Variants in UBXN8 observed in about 807,000 individuals in gnomAD.
UBXN8 encodes UBX domain protein 8, also known as UBX domain-containing protein 8.
In UBXN8, 27 loss-of-function variants were observed where a neutral mutation model predicts 32.1. The observed-to-expected ratio is 0.84, with a 90% CI of 0.62 to 1.16. The LOEUF (loss-of-function observed/expected upper bound fraction) is 1.16. Among genes scored for constraint, UBXN8 ranks in the 50% most tolerant of loss-of-function variants. The pLI, the probability that UBXN8 is intolerant of heterozygous loss-of-function variation, is 0.00. For missense variants in UBXN8, 306 were observed against 311.4 expected (o/e 0.98, Z 0.13); for synonymous variants, 109 against 111.8 (o/e 0.98, Z 0.16).
intron 5 of UBXN8, among the ~76,000 whole-genome samples, chr8:30,758,940 C>G (rs1436238986): frequency 7.7e-6 from 1 of 130,648 alleles, no homozygotes; most frequent in Non-Finnish European, 1.5e-5. Flanking sequence ...GTCACCCAGG[C>G]TGGAGTGCAG....
chr8:30,739,513 C>T (rs1805151090), upstream of UBXN8, among the ~76,000 whole-genome samples: 1 of 152,094 alleles, frequency 6.6e-6, no homozygotes, highest in South Asian at 2.1e-4. Context: ...CACTGCACTC[C>T]AGCCTGGGTG....
upstream of UBXN8, among the ~76,000 whole-genome samples, chr8:30,741,528 T>G (rs556641182): frequency 6.8e-6 from 1 of 147,012 alleles, no homozygotes; most frequent in South Asian, 2.1e-4. Context: ...ATGATCTCAC[T>G]GCAACCTCTA....
At chr8:30,752,905 T>A in intron 2 of UBXN8, 130 bp from the exon 3 acceptor site, 1 of 1,014,760 alleles carries the variant, frequency 9.9e-7, no homozygotes, top group Non-Finnish European at 1.3e-6. Flanking sequence ...TAAATGACAA[T>A]GTGATGTGTT....
rs1805910701 is a variant in UBXN8, at chr8:30,763,327, T to C, written c.625T>C (p.Leu209=). The change falls in exon 7 of 8, where the codon TTG becomes CTG. Residue 209 remains leucine (L), a synonymous_variant. Transcript: ENST00000265616. ...PSGNVLRRRF[L]KSYSSQVLFD... is the part of the protein sequence containing the mutation. The stretch of plus-strand genomic sequence containing the variant: ...TGGGAATGTCCTGAGGAGAAGGTTT[T>C]TGAAGTCCTACAGCTCACAGGTAAG... 8.7e-6 allele frequency: 14 copies of C among 1,613,844 alleles called. No individual in the cohort carries two copies. The highest frequency in any genetic ancestry group is 4.4e-5 in the South Asian group (4 of 91,084).
At chr8:30,755,842 T>C (rs1371662311) in intron 4 of UBXN8, among the ~76,000 whole-genome samples, 7 of 151,444 alleles carry the variant, frequency 4.6e-5, no homozygotes, top group Non-Finnish European at 1.0e-4. Flanking sequence ...TATTGTCTTA[T>C]ATGAGGACAA....
intron 1 of UBXN8, among the ~76,000 whole-genome samples, chr8:30,748,468 G>GAAAA (rs538718073): frequency 3.3e-5 from 3 of 90,416 alleles, no homozygotes; most frequent in African/African-American, 1.3e-4. Flanking sequence ...CCATCTGAAA[G>GAAAA]AAAAAAAAAA....
intron 5 of UBXN8, among the ~76,000 whole-genome samples, chr8:30,760,130 C>T (rs1286887510): frequency 6.8e-6 from 1 of 146,854 alleles, no homozygotes; most frequent in East Asian, 2.0e-4. Flanking sequence ...GGCACAACCT[C>T]AGCTCACTGC....
chr8:30,762,553 T>C (rs1805862344), intron 6 of UBXN8, among the ~76,000 whole-genome samples: 1 of 151,996 alleles, frequency 6.6e-6, no homozygotes, highest in Admixed American at 6.6e-5. Flanking sequence ...CCACAATGCC[T>C]GGCTAATATT....
At chr8:30,746,956 A>T (rs1331771157) in intron 1 of UBXN8, among the ~76,000 whole-genome samples, 1 of 130,688 alleles carries the variant, frequency 7.7e-6, no homozygotes. Flanking sequence ...AGTAATCGAG[A>T]CCATCCTGGC....
At chr8:30,756,199 G>A (rs1250384941) in intron 4 of UBXN8, 1 of 153,048 alleles carries the variant, frequency 6.5e-6, no homozygotes, top group Non-Finnish European at 1.5e-5. Flanking sequence ...GGAGTGCAGT[G>A]GTGCGATCTC....
chr8:30,753,676 C>T (rs1012335958), intron 3 of UBXN8, among the ~76,000 whole-genome samples: 1 of 152,146 alleles, frequency 6.6e-6, no homozygotes, highest in Non-Finnish European at 1.5e-5. Context: ...CCCCACTCTG[C>T]CCTCATCCCA....
upstream of UBXN8, among the ~76,000 whole-genome samples, chr8:30,739,652 T>G (rs1458267954): frequency 6.6e-6 from 1 of 152,212 alleles, no homozygotes; most frequent in Non-Finnish European, 1.5e-5. Context: ...ATTTCCTGTT[T>G]ATGGTATTAT....
intron 1 of UBXN8, among the ~76,000 whole-genome samples, chr8:30,745,425 C>T (rs918628451): frequency 1.4e-4 from 22 of 152,176 alleles, no homozygotes; most frequent in African/African-American, 5.3e-4. Context: ...TTTCAGTGAT[C>T]AGTTTACATG....
intron 5 of UBXN8, among the ~76,000 whole-genome samples, chr8:30,760,439 A>AT (rs1221804217): frequency 3.0e-4 from 13 of 43,200 alleles, no homozygotes; most frequent in African/African-American, 8.9e-4. Flanking sequence ...ATATATATAT[A>AT]TATATTTTTT....
rs1312993000 is a variant in UBXN8 at position 30,733,315 on chromosome 8, CTG to C, written c.622+9_622+10del. The C allele has an allele frequency of 3.3e-5, 5 of 152,262 alleles. No homozygotes were observed. In the East Asian group the frequency reaches 7.7e-4, roughly 23 times the overall value. 9.4% of individuals were successfully genotyped at this position (152,262 alleles called of 1,614,324 possible). A position where few individuals can be genotyped will look rare whatever the true frequency, so the allele number is the denominator to read the frequency against. On this transcript the variant is annotated splice_region_variant and intron_variant, in intron 1 of 1. Transcript: ENST00000522968. Reference sequence around the variant, plus strand: ...GCCTTAGAACTCAGTGAAGGTAAGACTGTAAACATTTACACTGACTCTTGATA... The same window carrying C: ...GCCTTAGAACTCAGTGAAGGTAAGACTAAACATTTACACTGACTCTTGATA...
In UBXN8 at chr8:30,732,709, G is replaced by A. The variant is rs1184915498; in HGVS notation, c.23G>A (p.Trp8Ter). 7.0e-6 allele frequency: 1 copy of A among 143,462 alleles called. No individual in the cohort carries two copies. The highest frequency in any genetic ancestry group is 1.9e-4 in the East Asian group (1 of 5,174). 8.9% of individuals were successfully genotyped at this position (143,462 alleles called of 1,614,324 possible). ...TGTATGTGTCAGAGAGAGAAAAGAT[G>A]GCAGTTGGGAGTTTTAACCCAAACT... Residue 8 changes from tryptophan (W) to a stop codon, truncating the protein, a stop_gained, in exon 1 of 2, where the codon TGG becomes TAG. Transcript: ENST00000522968. LOFTEE classifies it high-confidence loss of function.
chr8:30,749,843 A>T (rs938692846), intron 1 of UBXN8, among the ~76,000 whole-genome samples: 3 of 152,024 alleles, frequency 2.0e-5, no homozygotes, highest in African/African-American at 7.2e-5. Flanking sequence ...CTGACCTCTG[A>T]TCTGCCTGCC....
chr8:30,765,973 G>A (rs962685013), intron 7 of UBXN8, among the ~76,000 whole-genome samples: 3 of 145,246 alleles, frequency 2.1e-5, no homozygotes, highest in East Asian at 2.1e-4. Context: ...TCATGCCATC[G>A]CACTCCAGCC....
intron 1 of UBXN8, among the ~76,000 whole-genome samples, chr8:30,736,458 C>T (rs1805072107): frequency 6.6e-6 from 1 of 152,070 alleles, no homozygotes; most frequent in Middle Eastern, 3.4e-3. Flanking sequence ...GTTTCTGTAA[C>T]TGTTTATTTT....
Sources: allele counts gnomAD v4.1 joint callset (sites outside exome capture counted in the v4.1 genomes callset), GRCh38; gene constraint gnomAD v4.1.1; transcripts MANE v1.5; gene names NCBI Gene and HGNC (gene_info 2026-07-23, HGNC 2026-07-21).